The following ELP4 variants were observed in gnomAD, a reference collection of about 807,000 sequenced individuals.
The protein encoded by ELP4 is elongator acetyltransferase complex subunit 4, also known as elongator complex protein 4.
In ELP4, 51 loss-of-function variants were observed where a neutral mutation model predicts 48.9. The observed-to-expected ratio is 1.04, with a 90% CI of 0.83 to 1.32. ELP4 has a LOEUF of 1.32. ELP4 is among the 40% of genes most tolerant of loss of function. ELP4 has a pLI of 0.00. For synonymous variants in ELP4, 210 were observed against 189.2 expected, an observed-to-expected ratio of 1.11 and a Z score of -0.90; for missense variants, 519 against 514.6, an observed-to-expected ratio of 1.01 and a Z score of -0.08.
chr11:31,604,993 A>G (rs1957848112), intron 5 of ELP4, among the ~76,000 whole-genome samples: 1 of 152,052 alleles, frequency 6.6e-6, no homozygotes, highest in South Asian at 2.1e-4. Context: ...ATGCAGAAGT[A>G]TGAAGTCCCA....
chr11:31,781,877 G>C (rs1948385592), intron 9 of ELP4, among the ~76,000 whole-genome samples: 1 of 152,084 alleles, frequency 6.6e-6, no homozygotes, highest in Admixed American at 6.5e-5. Flanking sequence ...TGAAAGAATT[G>C]CTTAAAACAA....
At chr11:31,694,991 T>A (rs1050681127) in intron 9 of ELP4, among the ~76,000 whole-genome samples, 2 of 152,194 alleles carry the variant, frequency 1.3e-5, no homozygotes, top group African/African-American at 2.4e-5. Context: ...GCTTGTGATT[T>A]TTGCACATTG....
intron 3 of ELP4, among the ~76,000 whole-genome samples, chr11:31,543,327 T>A (rs890354016): frequency 2.6e-5 from 4 of 151,976 alleles, no homozygotes; most frequent in African/African-American, 9.7e-5. Flanking sequence ...TGTTTTTTGT[T>A]TTTTGTTTTT....
intron 9 of ELP4, among the ~76,000 whole-genome samples, chr11:31,704,465 T>C (rs1282505498): frequency 1.3e-5 from 2 of 151,244 alleles, no homozygotes; most frequent in African/African-American, 4.9e-5. Context: ...GGAAGGGGAA[T>C]ATCACACACC....
chr11:31,778,178 A>G (rs1475887899), intron 9 of ELP4, among the ~76,000 whole-genome samples: 3 of 152,218 alleles, frequency 2.0e-5, no homozygotes, highest in Non-Finnish European at 4.4e-5. Flanking sequence ...TGCACCCTAA[A>G]TTGCCTCCTT....
chr11:31,534,491 G>C (rs1018236544), intron 2 of ELP4, among the ~76,000 whole-genome samples: 2 of 151,952 alleles, frequency 1.3e-5, no homozygotes, highest in African/African-American at 4.8e-5. Flanking sequence ...ATGGTAAGGG[G>C]GTATAGCTAT....
intron 9 of ELP4, among the ~76,000 whole-genome samples, chr11:31,738,149 A>T (rs527930343): frequency 6.7e-6 from 1 of 149,638 alleles, no homozygotes; most frequent in Non-Finnish European, 1.5e-5. Flanking sequence ...TAATTCCAGC[A>T]CTTTGGGAGA....
intron 5 of ELP4, among the ~76,000 whole-genome samples, chr11:31,625,270 C>A (rs1170703674): frequency 6.6e-6 from 1 of 151,488 alleles, no homozygotes; most frequent in Non-Finnish European, 1.5e-5. Context: ...TATACGTGGT[C>A]CATCATTGAC....
chr11:31,677,618 G>T (rs751849833), intron 9 of ELP4, among the ~76,000 whole-genome samples: 1 of 152,004 alleles, frequency 6.6e-6, no homozygotes, highest in Non-Finnish European at 1.5e-5. Flanking sequence ...ACAAAAATAG[G>T]TCTTTAGGTT....
chr11:31,538,530 A>G (rs1956540849), intron 2 of ELP4, among the ~76,000 whole-genome samples: 1 of 150,788 alleles, frequency 6.6e-6, no homozygotes, highest in Non-Finnish European at 1.5e-5. Flanking sequence ...GAAAGTGAAT[A>G]TACCTCCATT....
rs772222437 is a variant in ELP4, at chr11:31,632,318, C to G, written c.840C>G (p.Ser280Arg). ...CAGAAAATGGTGGCAACAGTCACAG[C>G]CTTACCAAGTTCCTCTATGTTCTCC... ...CCAENGGNSH[S>R]LTKFLYVLRG... The change falls in exon 7 of 10, where the codon AGC (serine) becomes AGG (arginine). Residue 280 changes from serine (S) to arginine (R), a missense_variant. Coordinates refer to ENST00000640961, the MANE Select transcript of ELP4 (RefSeq NM_019040.5). The G allele has an allele frequency of 6.2e-7, 1 of 1,613,368 alleles. No individual in the cohort carries two copies. Among genetic ancestry groups the G allele is most frequent in the Non-Finnish European group, 8.5e-7 (1 of 1,179,620 alleles).
chr11:31,587,919 AT>A (rs1322857933), intron 3 of ELP4, among the ~76,000 whole-genome samples: 3 of 152,246 alleles, frequency 2.0e-5, no homozygotes, highest in African/African-American at 7.2e-5. Context: ...ATGCACAAAT[AT>A]TTTTTGTAAT....
intron 9 of ELP4, among the ~76,000 whole-genome samples, chr11:31,706,757 A>T (rs1419163831): frequency 6.6e-6 from 1 of 151,816 alleles, no homozygotes; most frequent in African/African-American, 2.4e-5. Flanking sequence ...AACATCTAGT[A>T]CCTGTGTTCT....
intron 3 of ELP4, among the ~76,000 whole-genome samples, chr11:31,552,818 C>G (rs1248222483): frequency 1.3e-5 from 2 of 152,068 alleles, no homozygotes; most frequent in African/African-American, 4.8e-5. Context: ...TTTAAAGGCC[C>G]TAGCTAATAT....
chr11:31,683,945 A>C (rs1946108838), intron 9 of ELP4, among the ~76,000 whole-genome samples: 1 of 152,172 alleles, frequency 6.6e-6, no homozygotes, highest in South Asian at 2.1e-4. Flanking sequence ...CTTGGATATC[A>C]ACATGGTTTT....
chr11:31,699,346 G>T (rs2018878241), intron 9 of ELP4, among the ~76,000 whole-genome samples: 1 of 152,132 alleles, frequency 6.6e-6, no homozygotes, highest in South Asian at 2.1e-4. Context: ...TTAATTCAAA[G>T]AGGTTCCTAC....
chr11:31,538,739 A>G (rs1956546421), intron 2 of ELP4, among the ~76,000 whole-genome samples: 1 of 152,044 alleles, frequency 6.6e-6, no homozygotes, highest in Admixed American at 6.6e-5. Flanking sequence ...TATTTAAAGA[A>G]TTATTTTCAT....
intron 9 of ELP4, among the ~76,000 whole-genome samples, chr11:31,766,244 C>A (rs766437950): frequency 8.6e-5 from 13 of 151,924 alleles, no homozygotes; most frequent in Non-Finnish European, 1.8e-4. Context: ...AAAAAGAAAA[C>A]AATAACCACG....
At chr11:31,653,595 A>G (rs1411635250) in intron 9 of ELP4, 1 of 151,740 alleles carries the variant, frequency 6.6e-6, no homozygotes, top group East Asian at 1.9e-4. Flanking sequence ...TCATCTTTAT[A>G]TCTATCTAAG....
Sources: gnomAD v4.1 joint callset for allele counts (sites outside exome capture counted in the v4.1 genomes callset) on GRCh38, gnomAD v4.1.1 for gene constraint, MANE v1.5 for transcripts, NCBI Gene and HGNC (gene_info 2026-07-23, HGNC 2026-07-21) for gene names.